The following PARP4 variants were observed in gnomAD, a reference collection of about 807,000 sequenced individuals.
The protein encoded by PARP4 is poly(ADP-ribose) polymerase family member 4.
In PARP4, 120 loss-of-function variants were observed where a neutral mutation model predicts 187.7. The observed-to-expected ratio is 0.64, with a 90% confidence interval of 0.55 to 0.74. The LOEUF (loss-of-function observed/expected upper bound fraction) is 0.74, where lower values mean the gene tolerates loss of function less well. Ranked by LOEUF, PARP4 falls within the 30% of genes least tolerant of loss-of-function variation. PARP4 has a pLI of 0.00. For missense variants in PARP4, 1,836 were observed against 2,070.5 expected (o/e 0.89, Z 2.20); for synonymous variants, 654 against 740.9 (o/e 0.88, Z 1.90).
chr13:24,458,998 A>C, intron 20 of PARP4, 46 bp downstream of exon 20: 1 of 1,290,956 alleles, frequency 7.7e-7, no homozygotes, highest in Non-Finnish European at 1.1e-6. Context: ...ATAAGATAAA[A>C]GTAGTGTTAA....
rs548391503 is a variant in PARP4 at position 24,461,609 on chromosome 13, C to T, written c.2134-1473G>A. 5.4e-4 allele frequency among the ~76,000 whole-genome samples: 82 copies of T among 152,246 alleles called. 1 individual carries two copies. Among genetic ancestry groups the T allele is most frequent in the African/African-American group, 1.7e-3 (70 of 41,544 alleles). On this transcript the variant is annotated intron_variant, in intron 17 of 33. Coordinates refer to ENST00000381989, the MANE Select transcript of PARP4 (RefSeq NM_006437.4). ...AGGGGAGTTTGCATTCTCTTGCAGG[C>T]GTTTCCCCATATCCCCACAGCCTTC...
In PARP4 at chr13:24,454,980, G is replaced by A. The variant is rs763838917; in HGVS notation, c.2758+37C>T. The A allele has an allele frequency of 3.4e-6, 5 of 1,491,284 alleles. No individual in the cohort carries two copies. The South Asian group carries it at 5.1e-5, about 15-fold the overall frequency. 92.4% of individuals were successfully genotyped at this position (1,491,284 alleles called of 1,614,324 possible). On this transcript the variant is annotated intron_variant, in intron 22 of 33. Coordinates refer to ENST00000381989, the MANE Select transcript of PARP4 (RefSeq NM_006437.4). ...CTACAGAATGTGATTCACATGTAGG[G>A]GAAGCACACGCAGGACCAGGGCCAA...
At chr13:24,459,655 G>T (rs889022487) in intron 18 of PARP4, among the ~76,000 whole-genome samples, 3 of 152,046 alleles carry the variant, frequency 2.0e-5, no homozygotes, top group Admixed American at 6.6e-5. Context: ...TGGGATAAAG[G>T]ATGGTTTTAA....
chr13:24,437,678 T>C (rs1422273879), intron 30 of PARP4, among the ~76,000 whole-genome samples: 4 of 152,070 alleles, frequency 2.6e-5, no homozygotes, highest in Non-Finnish European at 5.9e-5. Flanking sequence ...CTGTAAGATA[T>C]GCAAAGATCA....
chr13:24,454,359 C>T (rs529372097), intron 22 of PARP4, among the ~76,000 whole-genome samples: 23 of 152,170 alleles, frequency 1.5e-4, no homozygotes, highest in Non-Finnish European at 3.2e-4. Context: ...GGAAAAGGGG[C>T]TGGGTCTTCT....
chr13:24,472,685 C>T (rs1261531639), intron 15 of PARP4, among the ~76,000 whole-genome samples: 3 of 152,142 alleles, frequency 2.0e-5, no homozygotes, highest in Non-Finnish European at 2.9e-5. Context: ...ACCCCTGAAA[C>T]GCTGCCTTCC....
intron 2 of PARP4, among the ~76,000 whole-genome samples, chr13:24,502,813 T>C (rs1266891515): frequency 2.0e-5 from 3 of 152,238 alleles, no homozygotes; most frequent in Non-Finnish European, 4.4e-5. Flanking sequence ...GGGAAGTATA[T>C]ACAATTCTAC....
At chr13:24,455,684 CA>C (rs1159288900) in intron 21 of PARP4, among the ~76,000 whole-genome samples, 2 of 136,236 alleles carry the variant, frequency 1.5e-5, no homozygotes, top group East Asian at 4.3e-4. Flanking sequence ...GTGGCACGAT[CA>C]CAGCTCAGTT....
Position 24,435,177 on chromosome 13 carries a change from C to T in PARP4, c.3964G>A (p.Ala1322Thr). 1 of 1,614,144 alleles carries T rather than the reference C, an allele frequency of 6.2e-7. No homozygotes were observed. The highest frequency in any genetic ancestry group is 1.1e-5 in the South Asian group (1 of 91,080). Residue 1322 changes from alanine to threonine, a missense_variant, in exon 31 of 34, where the codon GCC (alanine) becomes ACC (threonine). By Grantham distance (58) the Ala-to-Thr change is moderately conservative. Coordinates refer to ENST00000381989, the MANE Select transcript of PARP4 (RefSeq NM_006437.4). ...GTCGGGGGAAGATAGGAACCAACGG[C>T]CGGAGCCAAAATAGGAAAAAAGCTA... ...TSSFFPILAP[A>T]VGSYLPPTAR...
At chr13:24,437,604 T>C (rs1188115043) in intron 30 of PARP4, among the ~76,000 whole-genome samples, 2 of 152,030 alleles carry the variant, frequency 1.3e-5, no homozygotes, top group African/African-American at 4.8e-5. Flanking sequence ...TGTAAGAATA[T>C]AAAACATGCT....
In PARP4 at chr13:24,443,637, G is replaced by GA; in HGVS notation, c.3447+12dup. 6.4e-7 allele frequency: 1 copy of GA among 1,564,064 alleles called. No homozygotes were observed. Among genetic ancestry groups the GA allele is most frequent in the South Asian group, 1.1e-5 (1 of 89,558 alleles). On this transcript the variant is annotated intron_variant, in intron 28 of 33. Transcript: ENST00000381989. The stretch of plus-strand genomic sequence containing the variant: ...AAGAATGTCTAATCATTTTTACAAT[G>GA]AAAAGAACAAACCTCATGACTGGTT...
At position 24,478,290 on chromosome 13, in the gene PARP4, G is replaced by A; in HGVS notation, c.1449-14C>T. 6.5e-7 allele frequency: 1 copy of A among 1,544,398 alleles called. No homozygotes were observed. The highest frequency in any genetic ancestry group is 1.2e-5 in the South Asian group (1 of 83,114). ...TTGATACTTGTACTACATGCGAAAGGAAATAAACACATATTTACAGCTTAG... is the reference window on the plus strand; with the variant it reads ...TTGATACTTGTACTACATGCGAAAGAAAATAAACACATATTTACAGCTTAG... On this transcript the variant is annotated splice_polypyrimidine_tract_variant and intron_variant, in intron 12 of 33. Transcript: ENST00000381989.
intron 2 of PARP4, among the ~76,000 whole-genome samples, chr13:24,503,391 C>A (rs1282512105): frequency 3.2e-4 from 48 of 152,174 alleles, no homozygotes; most frequent in Admixed American, 3.0e-3. Flanking sequence ...TTTGGCTGTG[C>A]TCTAGTAATA....
At chr13:24,442,279 T>C (rs2999182) in intron 29 of PARP4, among the ~76,000 whole-genome samples, 3 of 152,090 alleles carry the variant, frequency 2.0e-5, no homozygotes, top group South Asian at 2.1e-4. Context: ...CTTGGATTAA[T>C]AAAAGACAAT....
chr13:24,433,240 G>A (rs1870440328), intron 31 of PARP4, among the ~76,000 whole-genome samples: 1 of 152,106 alleles, frequency 6.6e-6, no homozygotes, highest in South Asian at 2.1e-4. Context: ...TTAATGCAAC[G>A]TGTCCTTTTG....
chr13:24,457,110 A>G (rs1871899377), intron 20 of PARP4, among the ~76,000 whole-genome samples: 1 of 152,166 alleles, frequency 6.6e-6, no homozygotes, highest in Non-Finnish European at 1.5e-5. Context: ...GGCACATCAG[A>G]TAATTAAAAC....
chr13:24,500,068 C>T (rs1869188139), intron 4 of PARP4, among the ~76,000 whole-genome samples: 1 of 150,892 alleles, frequency 6.6e-6, no homozygotes, highest in Admixed American at 6.6e-5. Context: ...AAAAAAAAAC[C>T]CACTGGTTTT....
chr13:24,457,092 T>C (rs1156846232), intron 20 of PARP4, among the ~76,000 whole-genome samples: 1 of 152,150 alleles, frequency 6.6e-6, no homozygotes, highest in Non-Finnish European at 1.5e-5. Flanking sequence ...TATCTGGGTA[T>C]AGCAGACGGC....
chr13:24,487,683 C>A (rs1296528826), intron 10 of PARP4, among the ~76,000 whole-genome samples: 9 of 152,064 alleles, frequency 5.9e-5, no homozygotes, highest in African/African-American at 2.2e-4. Context: ...AAGGGCACAT[C>A]TTCCCAACCC....
Sources: gnomAD v4.1 joint callset for allele counts (sites outside exome capture counted in the v4.1 genomes callset) on GRCh38, gnomAD v4.1.1 for gene constraint, MANE v1.5 for transcripts, NCBI Gene and HGNC (gene_info 2026-07-23, HGNC 2026-07-21) for gene names.